TRRAP: variants seen among roughly 807,000 people sequenced by gnomAD.
TRRAP encodes the protein transformation/transcription domain associated protein.
Under a neutral mutation model 438.8 loss-of-function variants are expected in TRRAP, and 41 were observed. The observed-to-expected ratio is 0.09, with a 90% CI of 0.07 to 0.12. The LOEUF is 0.12. Ranked by LOEUF, TRRAP falls within the 10% of genes least tolerant of loss-of-function variation. The pLI is 1.00. For synonymous variants in TRRAP, 1,994 were observed against 1,962.9 expected, an observed-to-expected ratio of 1.02 and a Z score of -0.42; for missense variants, 3,122 against 5,055.1, an observed-to-expected ratio of 0.62 and a Z score of 11.60.
At chr7:98,999,439 A>G in intron 67 of TRRAP, 1 of 935,152 alleles carries the variant, frequency 1.1e-6, no homozygotes, top group Non-Finnish European at 1.8e-6. Flanking sequence ...TCTAGCTCTG[A>G]TGGGAGGGGC....
Position 98,948,127 on chromosome 7 carries a change from C to A in TRRAP, c.4549-94C>A. On this transcript the variant is annotated intron_variant, in intron 33 of 72. Transcript: ENST00000456197. The surrounding 1 kb of genome is among the most constrained non-coding windows in gnomAD (Gnocchi z 4.9). ...TCGCTTCACTGCCTAGCCTTGCCAA[C>A]ATAGTTAGACTATAGTAGGGTCTGT... 6.4e-7 allele frequency: 1 copy of A among 1,562,356 alleles called. No individual in the cohort carries two copies. Among genetic ancestry groups the A allele is most frequent in the Non-Finnish European group, 8.7e-7 (1 of 1,149,536 alleles).
intron 11 of TRRAP, among the ~76,000 whole-genome samples, chr7:98,901,965 C>T (rs6976004): frequency 0.89 from 135,781 of 152,284 alleles, 60,623 homozygotes; most frequent in South Asian, 0.94. Context: ...TTTAGAATAA[C>T]GTCATCATCC....
intron 30 of TRRAP, among the ~76,000 whole-genome samples, chr7:98,940,449 C>T (rs1040028141): frequency 6.6e-6 from 1 of 152,118 alleles, no homozygotes; most frequent in African/African-American, 2.4e-5. Context: ...CCTGGCCCAG[C>T]CTGTTTATTT....
rs999531150 is a variant in TRRAP, at chr7:99,005,610, GGCCCACGA to G, written c.10753+263_10753+270del. Among the ~76,000 whole-genome samples, 5 of 152,300 alleles carry G rather than the reference GGCCCACGA, an allele frequency of 3.3e-5. No homozygotes were observed. The highest frequency in any genetic ancestry group is 7.4e-5 in the Non-Finnish European group (5 of 68,022). Reference sequence around the variant, plus strand: ...CTTGTCCAACCTGCGGGCTCCATGGGGCCCACGATGCCTTTGAATGTGGTTCGACACAA... The same window carrying G: ...CTTGTCCAACCTGCGGGCTCCATGGGTGCCTTTGAATGTGGTTCGACACAA... On this transcript the variant is annotated intron_variant, in intron 69 of 72. Coordinates refer to ENST00000456197, the MANE Select transcript of TRRAP (RefSeq NM_001375524.1). This position sits in a 1 kb window ranked among gnomAD's most constrained non-coding sequence, Gnocchi z 5.1.
At chr7:98,951,035 G>A in intron 39 of TRRAP, 31 bp downstream of exon 39, 1 of 1,533,158 alleles carries the variant, frequency 6.5e-7, no homozygotes, top group East Asian at 2.4e-5. Flanking sequence ...GGTGTGAGAA[G>A]TAGCCTGGCA....
rs782669649 is a variant in TRRAP at position 98,955,315 on chromosome 7, G to A, written c.5937+11G>A. 1 of 1,596,822 alleles carries A rather than the reference G, an allele frequency of 6.3e-7. No individual in the cohort carries two copies. On this transcript the variant is annotated intron_variant, in intron 41 of 72. Transcript: ENST00000456197. ...GTGCAACACTTCAAGGTGTGTAGGAGGGACGGTGGGCTGCGGGGCGCGCGT... is the reference window on the plus strand; with the variant it reads ...GTGCAACACTTCAAGGTGTGTAGGAAGGACGGTGGGCTGCGGGGCGCGCGT...
chr7:98,927,887 G>T (rs1047897687), intron 23 of TRRAP, among the ~76,000 whole-genome samples: 1 of 152,142 alleles, frequency 6.6e-6, no homozygotes, highest in East Asian at 1.9e-4. Flanking sequence ...GTGGTGAAGG[G>T]CCACTTGTAT....
chr7:98,978,017 C>T (rs1373259388), intron 56 of TRRAP, among the ~76,000 whole-genome samples, 194 bp from the exon 57 acceptor site: 3 of 152,190 alleles, frequency 2.0e-5, no homozygotes, highest in African/African-American at 7.2e-5. Flanking sequence ...TGCAGGCAGG[C>T]ACCTGTAGCC....
At chr7:98,930,865 G>A (rs1299622561) in intron 25 of TRRAP, 35 bp downstream of exon 25, 2 of 1,611,754 alleles carry the variant, frequency 1.2e-6, no homozygotes, top group Non-Finnish European at 1.7e-6. Context: ...TAACCATGCT[G>A]TTTTTGAAAT....
intron 38 of TRRAP, 49 bp downstream of exon 38, chr7:98,950,311 T>C: frequency 1.3e-6 from 2 of 1,592,614 alleles, no homozygotes; most frequent in Non-Finnish European, 1.7e-6. Context: ...TTGGTCTGGT[T>C]TTCTAGGGAA....
chr7:98,943,125 G>C, intron 31 of TRRAP, 108 bp downstream of exon 31: 1 of 1,111,734 alleles, frequency 9.0e-7, no homozygotes, highest in South Asian at 1.4e-5. Context: ...CTAGTTTGAC[G>C]TGATTGTAGT....
chr7:98,934,332 C>T (rs1471275320), intron 27 of TRRAP, among the ~76,000 whole-genome samples: 1 of 152,216 alleles, frequency 6.6e-6, no homozygotes, highest in African/African-American at 2.4e-5. Context: ...AAATTTACCT[C>T]TTGACATTTT....
At chr7:98,981,086 T>C (rs1792894112) in intron 58 of TRRAP, among the ~76,000 whole-genome samples, 1 of 151,916 alleles carries the variant, frequency 6.6e-6, no homozygotes, top group South Asian at 2.1e-4. Context: ...TACTGGAGAT[T>C]AATATATATA....
chr7:98,931,342 G>C (rs190123893), intron 25 of TRRAP, 63 bp from the exon 26 acceptor site: 2 of 1,579,406 alleles, frequency 1.3e-6, no homozygotes, highest in Non-Finnish European at 1.7e-6. Flanking sequence ...AGGTGTGCAG[G>C]AGACGGCAGT....
intron 47 of TRRAP, among the ~76,000 whole-genome samples, chr7:98,963,909 C>T (rs373016387): frequency 2.0e-4 from 30 of 151,860 alleles, no homozygotes; most frequent in East Asian, 1.7e-3. Context: ...GGTGAAACCC[C>T]GTCTCTACTA....
chr7:98,883,280 T>G (rs1795544684), intron 3 of TRRAP, among the ~76,000 whole-genome samples: 1 of 152,220 alleles, frequency 6.6e-6, no homozygotes, highest in African/African-American at 2.4e-5. Context: ...TTTTTGTATT[T>G]TTTTAAATTT....
In TRRAP at chr7:98,948,838, T is replaced by TGTGTCTGTGAAATGTGCA. The variant is rs2116605660; in HGVS notation, c.4788+155_4788+172dup. On this transcript the variant is annotated intron_variant, in intron 35 of 72. Transcript: ENST00000456197. This position sits in a 1 kb window ranked among gnomAD's most constrained non-coding sequence, Gnocchi z 4.9. The stretch of plus-strand genomic sequence containing the variant: ...ATTGGAAACAGCATTGCTGTTTGGT[T>TGTGTCTGTGAAATGTGCA]GTGTCTGTGAAATGTGCAGGTCTAG... 6.6e-6 allele frequency among the ~76,000 whole-genome samples: 1 copy of TGTGTCTGTGAAATGTGCA among 152,194 alleles called. No homozygotes were observed. The highest frequency in any genetic ancestry group is 1.9e-4 in the East Asian group (1 of 5,196).
chr7:98,997,846 A>G (rs1793743651), intron 67 of TRRAP, among the ~76,000 whole-genome samples: 2 of 152,214 alleles, frequency 1.3e-5, no homozygotes, highest in Non-Finnish European at 2.9e-5. Flanking sequence ...TTATCACTAA[A>G]TTCTAGATTT....
intron 26 of TRRAP, among the ~76,000 whole-genome samples, chr7:98,932,677 A>G (rs1244038985): frequency 1.3e-5 from 2 of 152,200 alleles, no homozygotes; most frequent in Non-Finnish European, 2.9e-5. Flanking sequence ...AATTTGTATA[A>G]TCTCCCATAT....
Sources: gnomAD v4.1 joint callset for allele counts (sites outside exome capture counted in the v4.1 genomes callset) on GRCh38, gnomAD v4.1.1 for gene constraint, Gnocchi (gnomAD v3.1) non-coding constraint, MANE v1.5 for transcripts, NCBI Gene and HGNC (gene_info 2026-07-23, HGNC 2026-07-21) for gene names.